EXOC6B: variants seen among roughly 807,000 people sequenced by gnomAD.
EXOC6B encodes SEC15 homolog B.
EXOC6B carries 54 observed loss-of-function variants against 113.5 expected under a neutral mutation model. That is an observed-to-expected ratio of 0.48 (90% CI 0.38 to 0.60). EXOC6B has a LOEUF of 0.60. Among genes scored for constraint, EXOC6B ranks in the 20% least tolerant of loss-of-function variants. The pLI is 0.00. For missense variants in EXOC6B, 797 were observed against 977.5 expected, an observed-to-expected ratio of 0.82 and a Z score of 2.46; for synonymous variants, 357 against 339.0, an observed-to-expected ratio of 1.05 and a Z score of -0.58.
chr2:72,188,263 A>G (rs955662249), intron 20 of EXOC6B, among the ~76,000 whole-genome samples: 4 of 152,238 alleles, frequency 2.6e-5, no homozygotes, highest in Admixed American at 2.6e-4. Flanking sequence ...AGCCACTATC[A>G]TCATAAGGAT....
chr2:72,411,144 C>T (rs1025554093), intron 18 of EXOC6B, among the ~76,000 whole-genome samples: 1 of 152,030 alleles, frequency 6.6e-6, no homozygotes, highest in Non-Finnish European at 1.5e-5. Flanking sequence ...TCGAAGAGGT[C>T]AAGGCTGCAG....
At chr2:72,344,913 A>T (rs1196010219) in intron 19 of EXOC6B, among the ~76,000 whole-genome samples, 1 of 152,068 alleles carries the variant, frequency 6.6e-6, no homozygotes, top group East Asian at 1.9e-4. Context: ...TGGGAAAACA[A>T]AAAAGAATGG....
At chr2:72,730,275 AT>A (rs1342706010) in intron 5 of EXOC6B, among the ~76,000 whole-genome samples, 6 of 152,146 alleles carry the variant, frequency 3.9e-5, no homozygotes, top group African/African-American at 1.4e-4. Context: ...CTGTGATGGT[AT>A]TTTTTAGATG....
chr2:72,771,102 G>A (rs1242617087), intron 1 of EXOC6B, among the ~76,000 whole-genome samples: 2 of 152,236 alleles, frequency 1.3e-5, no homozygotes, highest in Non-Finnish European at 2.9e-5. Flanking sequence ...GAAAAGTGGT[G>A]ACAACTACAA....
intron 6 of EXOC6B, among the ~76,000 whole-genome samples, chr2:72,601,148 G>A (rs1405353942): frequency 2.0e-5 from 3 of 150,296 alleles, no homozygotes; most frequent in Non-Finnish European, 3.0e-5. Context: ...GTGTGTGTGT[G>A]TGTGTGTGTG....
At chr2:72,672,616 A>G (rs547243959) in intron 6 of EXOC6B, among the ~76,000 whole-genome samples, 1 of 152,284 alleles carries the variant, frequency 6.6e-6, no homozygotes, top group African/African-American at 2.4e-5. Context: ...ACAATGGAAT[A>G]CTACTCATCC....
intron 20 of EXOC6B, among the ~76,000 whole-genome samples, chr2:72,212,084 C>G (rs1680232559): frequency 6.6e-6 from 1 of 152,006 alleles, no homozygotes; most frequent in Non-Finnish European, 1.5e-5. Context: ...TCCCTTTGCC[C>G]CAAGAATGGT....
At chr2:72,646,233 A>G (rs970456866) in intron 6 of EXOC6B, among the ~76,000 whole-genome samples, 1 of 152,134 alleles carries the variant, frequency 6.6e-6, no homozygotes, top group African/African-American at 2.4e-5. Context: ...CACTCCCAAG[A>G]CTAAACCAGG....
chr2:72,734,045 T>C (rs1176389906), intron 2 of EXOC6B, among the ~76,000 whole-genome samples: 2 of 152,102 alleles, frequency 1.3e-5, no homozygotes, highest in African/African-American at 4.8e-5. Flanking sequence ...ACACACGATA[T>C]GATATGCACT....
At position 72,705,717 on chromosome 2, in the gene EXOC6B, G is replaced by A. The variant is rs1056067087; in HGVS notation, c.669+12386C>T. On this transcript the variant is annotated intron_variant, in intron 6 of 21. Coordinates refer to ENST00000272427, the MANE Select transcript of EXOC6B (RefSeq NM_015189.3). ...CCTCTGCACACACACTCATGCATGC[G>A]CACACACACACACACACCCAATAAA... Among the ~76,000 whole-genome samples the A allele has an allele frequency of 4.0e-5, 6 of 150,026 alleles. No individual in the cohort carries two copies. The South Asian group carries it at 6.4e-4, about 16-fold the overall frequency.
intron 8 of EXOC6B, among the ~76,000 whole-genome samples, chr2:72,557,978 AT>A: frequency 6.6e-6 from 1 of 152,100 alleles, no homozygotes; most frequent in Non-Finnish European, 1.5e-5. Context: ...TAACTTTAAA[AT>A]TTCTAAATGA....
At chr2:72,691,987 G>A (rs1418145025) in intron 6 of EXOC6B, among the ~76,000 whole-genome samples, 1 of 151,700 alleles carries the variant, frequency 6.6e-6, no homozygotes, top group Non-Finnish European at 1.5e-5. Flanking sequence ...CCCAGCCCCT[G>A]TTCCCCTCTT....
At chr2:72,427,328 C>T (rs1254125541) in intron 18 of EXOC6B, among the ~76,000 whole-genome samples, 1 of 152,312 alleles carries the variant, frequency 6.6e-6, no homozygotes, top group African/African-American at 2.4e-5. Flanking sequence ...ACGGGAGCCC[C>T]ACCCTCCCAA....
intron 1 of EXOC6B, among the ~76,000 whole-genome samples, chr2:72,745,501 G>A (rs1418599766): frequency 6.6e-6 from 1 of 151,754 alleles, no homozygotes; most frequent in Non-Finnish European, 1.5e-5. Flanking sequence ...TTTAAAACAG[G>A]GGATAAAGAC....
Position 72,184,152 on chromosome 2 carries a change from G to C in EXOC6B, c.2232C>G (p.Thr744=), listed in dbSNP as rs372212656. Residue 744 remains threonine, a synonymous_variant, in exon 21 of 22, where the codon ACC becomes ACG. Transcript: ENST00000272427. ...LDLFIQWDWS[T]YLADYGQPNC... ...TGGGCTGACCATAGTCAGCAAGGTA[G>C]GTTGACCAATCCCACTGGATGAAAA... The C allele has an allele frequency of 5.8e-6, 9 of 1,560,006 alleles. No individual in the cohort carries two copies. Among genetic ancestry groups the C allele is most frequent in the Non-Finnish European group, 6.9e-6 (8 of 1,151,284 alleles).
intron 18 of EXOC6B, among the ~76,000 whole-genome samples, chr2:72,445,110 C>T (rs541943203): frequency 5.4e-4 from 82 of 152,276 alleles, no homozygotes; most frequent in African/African-American, 1.6e-3. Flanking sequence ...TTTCTTCAAC[C>T]AGATACCCTA....
chr2:72,180,951 T>C (rs1234172007), intron 21 of EXOC6B, among the ~76,000 whole-genome samples: 3 of 152,114 alleles, frequency 2.0e-5, no homozygotes, highest in Admixed American at 1.3e-4. Flanking sequence ...AGCTCACGCC[T>C]GTAATCCCAG....
intron 8 of EXOC6B, among the ~76,000 whole-genome samples, chr2:72,547,393 G>T (rs1702970103): frequency 6.6e-6 from 1 of 152,136 alleles, no homozygotes; most frequent in African/African-American, 2.4e-5. Context: ...ACGCAGAAAA[G>T]AACATTAATC....
intron 20 of EXOC6B, among the ~76,000 whole-genome samples, chr2:72,204,457 C>A (rs528390054): frequency 6.6e-6 from 1 of 151,908 alleles, no homozygotes; most frequent in Non-Finnish European, 1.5e-5. Flanking sequence ...TTACAGTTGG[C>A]CAGGCCAAGA....
Sources: gnomAD v4.1 joint callset for allele counts (sites outside exome capture counted in the v4.1 genomes callset) on GRCh38, gnomAD v4.1.1 for gene constraint, MANE v1.5 for transcripts, NCBI Gene and HGNC (gene_info 2026-07-23, HGNC 2026-07-21) for gene names.